The following ABCB1 variants were observed in gnomAD, a reference collection of about 807,000 sequenced individuals.
The protein encoded by ABCB1 is ATP binding cassette subfamily B member 1.
ABCB1 carries 69 observed loss-of-function variants against 142.0 expected under a neutral mutation model. The ratio of observed to expected loss-of-function variants is 0.49; its 90% CI spans 0.40 to 0.59. The LOEUF is 0.59. Among genes scored for constraint, ABCB1 ranks in the 20% least tolerant of loss-of-function variants. The pLI, the probability that ABCB1 is intolerant of heterozygous loss-of-function variation, is 0.00. For synonymous variants in ABCB1, 532 were observed against 539.2 expected (o/e 0.99, Z 0.18); for missense variants, 1,326 against 1,554.7 (o/e 0.85, Z 2.47).
At chr7:87,705,188 G>C (rs1358034031) in intron 1 of ABCB1, among the ~76,000 whole-genome samples, 2 of 152,214 alleles carry the variant, frequency 1.3e-5, no homozygotes, top group African/African-American at 4.8e-5. Context: ...ACTTTGGGAG[G>C]CTGAGGCAGG....
At chr7:87,518,177 TTTTG>T (rs550628770) in intron 23 of ABCB1, among the ~76,000 whole-genome samples, 4 of 152,230 alleles carry the variant, frequency 2.6e-5, no homozygotes, top group African/African-American at 9.6e-5. Context: ...TGTCATTAGT[TTTTG>T]TTTGTTTGTT....
At chr7:87,672,944 G>A (rs536956380) in intron 1 of ABCB1, among the ~76,000 whole-genome samples, 35 of 152,200 alleles carry the variant, frequency 2.3e-4, no homozygotes, top group African/African-American at 7.7e-4. Context: ...ATATTAACTT[G>A]TCTTTCTCTA....
intron 17 of ABCB1, among the ~76,000 whole-genome samples, chr7:87,541,754 C>T (rs955576714): frequency 1.3e-5 from 2 of 152,208 alleles, no homozygotes; most frequent in Non-Finnish European, 2.9e-5. Flanking sequence ...AGAACAAATA[C>T]TCTCCTCTTC....
At chr7:87,554,760 G>A (rs1456289076) in intron 8 of ABCB1, among the ~76,000 whole-genome samples, 1 of 152,168 alleles carries the variant, frequency 6.6e-6, no homozygotes, top group Admixed American at 6.5e-5. Flanking sequence ...CACGGCTTCT[G>A]ACTAACTCAA....
upstream of ABCB1, among the ~76,000 whole-genome samples, chr7:87,602,551 A>G (rs1339305632): frequency 6.6e-6 from 1 of 151,842 alleles, no homozygotes; most frequent in Non-Finnish European, 1.5e-5. Context: ...CCTTTCATTT[A>G]TGTAATCTTG....
chr7:87,539,666 A>T (rs558879262), intron 18 of ABCB1, among the ~76,000 whole-genome samples: 11 of 152,328 alleles, frequency 7.2e-5, no homozygotes, highest in African/African-American at 2.4e-4. Flanking sequence ...TGAGCTTTTA[A>T]TTACCCACTG....
At chr7:87,655,612 T>C (rs139096663) in intron 1 of ABCB1, among the ~76,000 whole-genome samples, 30 of 152,220 alleles carry the variant, frequency 2.0e-4, no homozygotes, top group Non-Finnish European at 3.7e-4. Context: ...AAAAATTCAG[T>C]TAAAAGGAAA....
intron 1 of ABCB1, among the ~76,000 whole-genome samples, chr7:87,649,647 A>G (rs886216061): frequency 3.4e-4 from 52 of 152,128 alleles, no homozygotes; most frequent in Admixed American, 3.1e-3. Flanking sequence ...CACTTTACAG[A>G]TTTGCAGGTT....
chr7:87,680,814 AAAAAG>A (rs1311812133), intron 1 of ABCB1, among the ~76,000 whole-genome samples: 1 of 150,428 alleles, frequency 6.6e-6, no homozygotes, highest in African/African-American at 2.5e-5. Context: ...AAAGAAAAGA[AAAAAG>A]AAAAAGAAAC....
intron 21 of ABCB1, among the ~76,000 whole-genome samples, chr7:87,524,590 A>G (rs1815700641): frequency 6.6e-6 from 1 of 151,988 alleles, no homozygotes; most frequent in Admixed American, 6.6e-5. Flanking sequence ...GTTGTGGGGT[A>G]GAGGGAAGGG....
chr7:87,602,527 G>T (rs1261227456), upstream of ABCB1, among the ~76,000 whole-genome samples: 1 of 151,690 alleles, frequency 6.6e-6, no homozygotes, highest in Non-Finnish European at 1.5e-5. Context: ...GTTTTGCTTT[G>T]TTGCTTTATC....
intron 1 of ABCB1, chr7:87,694,177 A>G (rs1256180378): frequency 3.0e-6 from 1 of 336,180 alleles, no homozygotes; most frequent in African/African-American, 2.2e-5. Context: ...TCCACACAAT[A>G]TAATAACCTA....
intron 1 of ABCB1, among the ~76,000 whole-genome samples, chr7:87,681,624 C>T (rs1364852599): frequency 3.3e-5 from 5 of 150,568 alleles, no homozygotes; most frequent in Non-Finnish European, 5.9e-5. Context: ...AAGTCATTAC[C>T]TTTTTGCTGG....
intron 27 of ABCB1, among the ~76,000 whole-genome samples, chr7:87,504,913 G>A (rs987313010): frequency 2.0e-5 from 3 of 151,802 alleles, no homozygotes; most frequent in Non-Finnish European, 2.9e-5. Flanking sequence ...TGTCATATCA[G>A]ATGACTGAAC....
rs202199801 is a variant in ABCB1 at position 87,519,315 on chromosome 7, C to T, written c.2927+11G>A. On this transcript the variant is annotated intron_variant, in intron 23 of 27. Transcript: ENST00000622132. Reference sequence around the variant, plus strand: ...TTTTAGAGCTTAACTAAATAATAGCCCAATACTTACAACAGAACATCCTCA... The same window carrying T: ...TTTTAGAGCTTAACTAAATAATAGCTCAATACTTACAACAGAACATCCTCA... 2.9e-5 allele frequency: 46 copies of T among 1,613,216 alleles called. No homozygotes were observed. The highest frequency in any genetic ancestry group is 3.8e-5 in the Non-Finnish European group (45 of 1,179,290).
At chr7:87,629,786 C>T (rs770298872) in intron 1 of ABCB1, among the ~76,000 whole-genome samples, 4 of 151,732 alleles carry the variant, frequency 2.6e-5, no homozygotes, top group Non-Finnish European at 4.4e-5. Flanking sequence ...ATTAGCCGGG[C>T]GTGGTGGCGG....
chr7:87,607,979 A>G (rs1385019228), intron 1 of ABCB1, among the ~76,000 whole-genome samples: 2 of 152,224 alleles, frequency 1.3e-5, no homozygotes, highest in African/African-American at 4.8e-5. Context: ...TCCTTTTCAA[A>G]GTCAATACCC....
intron 1 of ABCB1, among the ~76,000 whole-genome samples, chr7:87,712,752 C>G (rs1197744453): frequency 1.3e-5 from 2 of 151,980 alleles, no homozygotes; most frequent in Non-Finnish European, 2.9e-5. Context: ...TAAAAATATT[C>G]CTGTAACCAT....
At chr7:87,514,440 C>G (rs1441810920) in intron 25 of ABCB1, among the ~76,000 whole-genome samples, 1 of 152,166 alleles carries the variant, frequency 6.6e-6, no homozygotes, top group Non-Finnish European at 1.5e-5. Flanking sequence ...TCATCCCCAG[C>G]AACTAAGACA....
Sources: gnomAD v4.1 joint callset for allele counts (sites outside exome capture counted in the v4.1 genomes callset) on GRCh38, gnomAD v4.1.1 for gene constraint, MANE v1.5 for transcripts, NCBI Gene and HGNC (gene_info 2026-07-23, HGNC 2026-07-21) for gene names.